The following USP46 variants were observed in gnomAD, a reference collection of about 807,000 sequenced individuals.
USP46 encodes the protein ubiquitin carboxyl-terminal hydrolase 46.
Under a neutral mutation model 44.4 loss-of-function variants are expected in USP46, and 12 were observed. The ratio of observed to expected loss-of-function variants is 0.27; its 90% CI spans 0.17 to 0.44. The LOEUF (loss-of-function observed/expected upper bound fraction) is 0.44. Ranked by LOEUF, USP46 falls within the 20% of genes least tolerant of loss-of-function variation. USP46 has a pLI of 1.00. For missense variants in USP46, 248 were observed against 444.8 expected, an observed-to-expected ratio of 0.56 and a Z score of 3.98; for synonymous variants, 155 against 161.5, an observed-to-expected ratio of 0.96 and a Z score of 0.31.
chr4:52,633,001 AG>A lies in USP46; in HGVS notation c.37-1858del, dbSNP rs1440995536. The stretch of plus-strand genomic sequence containing the variant: ...GAAAGAAAGAAAAGAAAAGAAAGAA[AG>A]AAAGAAAGAAAGAAAGAAAGAAAGA... On this transcript the variant is annotated intron_variant, in intron 1 of 8. Transcript: ENST00000441222. 4.9e-3 allele frequency among the ~76,000 whole-genome samples: 608 copies of A among 122,878 alleles called. 19 individuals carry two copies. Among genetic ancestry groups the A allele is most frequent in the African/African-American group, 0.02 (564 of 28,130 alleles). The allele number at this position is 122,878 out of a possible 152,430, so 80.6% of individuals were successfully genotyped here. A position where few individuals can be genotyped will look rare whatever the true frequency, so the allele number is the denominator to read the frequency against.
chr4:52,612,354 G>T (rs1264459934), intron 4 of USP46, among the ~76,000 whole-genome samples: 1 of 152,096 alleles, frequency 6.6e-6, no homozygotes, highest in African/African-American at 2.4e-5. Flanking sequence ...TACCATGGTA[G>T]AATGCATTAG....
chr4:52,598,804 A>C, intron 7 of USP46, 98 bp from the exon 8 acceptor site: 1 of 1,157,418 alleles, frequency 8.6e-7, no homozygotes, highest in South Asian at 1.4e-5. Flanking sequence ...CTGGGAAAAA[A>C]AACTATGTCA....
rs533179350 is a variant in USP46 at position 52,653,221 on chromosome 4, C to T, written c.36+5894G>A. On this transcript the variant is annotated intron_variant, in intron 1 of 8. Coordinates refer to ENST00000441222, the MANE Select transcript of USP46 (RefSeq NM_022832.4). ...ACAGAGTTCGTCTCAAGAATGTTTT[C>T]GTGGCAGGGCACAGTGGTTCACACC... is the stretch of plus-strand genomic sequence containing the variant. Among the ~76,000 whole-genome samples the T allele has an allele frequency of 7.2e-5, 11 of 152,156 alleles. No homozygotes were observed. The South Asian group carries it at 1.7e-3, about 23-fold the overall frequency.
Position 52,596,906 on chromosome 4 carries a change from T to A in USP46, c.*734A>T, listed in dbSNP as rs1445916177. On this transcript the variant is annotated 3_prime_UTR_variant, in exon 9 of 9. Coordinates refer to ENST00000441222, the MANE Select transcript of USP46 (RefSeq NM_022832.4). ...GAGTTATTTTCCTGAAACTTGGTTT[T>A]GGTAGAAAGGTACGAAAATAACTTT... The A allele has an allele frequency of 6.6e-6, 1 of 152,654 alleles. No homozygotes were observed. Among genetic ancestry groups the A allele is most frequent in the East Asian group, 1.9e-4 (1 of 5,198 alleles). 9.5% of individuals were successfully genotyped at this position (152,654 alleles called of 1,614,324 possible).
chr4:52,657,088 T>C (rs560903155), intron 1 of USP46, among the ~76,000 whole-genome samples: 1 of 149,020 alleles, frequency 6.7e-6, no homozygotes, highest in Non-Finnish European at 1.5e-5. Context: ...ACCCAGGAAG[T>C]CTGACATTAG....
At chr4:52,618,775 T>C (rs151197909) in intron 4 of USP46, among the ~76,000 whole-genome samples, 17 of 152,254 alleles carry the variant, frequency 1.1e-4, no homozygotes, top group African/African-American at 3.8e-4. Context: ...GAATCTCCAC[T>C]GAGTATCACA....
chr4:52,630,790 A>T (rs1717794637), intron 2 of USP46, among the ~76,000 whole-genome samples: 1 of 152,024 alleles, frequency 6.6e-6, no homozygotes, highest in Non-Finnish European at 1.5e-5. Flanking sequence ...GACTAATGAA[A>T]TTATTATGAA....
intron 3 of USP46, among the ~76,000 whole-genome samples, chr4:52,627,659 G>A (rs553615968): frequency 1.3e-5 from 2 of 152,312 alleles, no homozygotes; most frequent in South Asian, 2.1e-4. Flanking sequence ...TCCGAAGGCT[G>A]CCTTGGACAC....
chr4:52,596,180 A>C lies in USP46; in HGVS notation c.*1460T>G, dbSNP rs1477541339. The C allele has an allele frequency of 6.6e-6, 1 of 152,656 alleles. No individual in the cohort carries two copies. Among genetic ancestry groups the C allele is most frequent in the Non-Finnish European group, 1.5e-5 (1 of 68,040 alleles). The allele number at this position is 152,656 out of a possible 1,614,324, so 9.5% of individuals were successfully genotyped here. A position where few individuals can be genotyped will look rare whatever the true frequency, so the allele number is the denominator to read the frequency against. On this transcript the variant is annotated 3_prime_UTR_variant, in exon 9 of 9. Transcript: ENST00000441222. Reference sequence around the variant, plus strand: ...TCCTCTTCATTGTTGCAAAATGGCCACTAACATTTTCCATTTCAATTTTAG... The same window carrying C: ...TCCTCTTCATTGTTGCAAAATGGCCCCTAACATTTTCCATTTCAATTTTAG...
intron 4 of USP46, among the ~76,000 whole-genome samples, chr4:52,617,076 C>G (rs7662693): frequency 0.15 from 22,421 of 152,056 alleles, 1,760 homozygotes; most frequent in African/African-American, 0.22. Flanking sequence ...AAAATAATTC[C>G]CAGCATTTAA....
chr4:52,645,128 G>C (rs139185599), intron 1 of USP46, among the ~76,000 whole-genome samples: 2 of 151,872 alleles, frequency 1.3e-5, no homozygotes, highest in African/African-American at 4.8e-5. Flanking sequence ...GGGAGGCTGA[G>C]GCAGGAGAAT....
At chr4:52,611,203 T>C (rs1196628502) in intron 4 of USP46, among the ~76,000 whole-genome samples, 2 of 152,214 alleles carry the variant, frequency 1.3e-5, no homozygotes, top group Non-Finnish European at 2.9e-5. Flanking sequence ...GTGCTGTCCA[T>C]GACAATGACC....
rs1717582984 is a variant in USP46 at position 52,626,317 on chromosome 4, T to C, written c.332-70A>G. Reference sequence around the variant, plus strand: ...GCAAATGGATGTAATTAGTGTTACATGCCATACTTAAATATTTTTTTTTTG... The same window carrying C: ...GCAAATGGATGTAATTAGTGTTACACGCCATACTTAAATATTTTTTTTTTG... On this transcript the variant is annotated intron_variant, in intron 3 of 8. Transcript: ENST00000441222. 5 of 1,328,606 alleles carry C rather than the reference T, an allele frequency of 3.8e-6. No individual in the cohort carries two copies. The South Asian group carries it at 4.2e-5, about 11-fold the overall frequency. 82.3% of individuals were successfully genotyped at this position (1,328,606 alleles called of 1,614,324 possible).
At chr4:52,645,830 G>A (rs571895423) in intron 1 of USP46, among the ~76,000 whole-genome samples, 37 of 152,150 alleles carry the variant, frequency 2.4e-4, no homozygotes, top group South Asian at 6.2e-4. Flanking sequence ...TCATTGGGGC[G>A]GTCTTTCCCC....
At position 52,605,612 on chromosome 4, in the gene USP46, C is replaced by A. The variant is rs536190430; in HGVS notation, c.639-1028G>T. ...TCATTAAGTCCCCAAATGTTTCCTGCCAGTCCTCTGGGCTAGGTTCTGGGG... is the reference window on the plus strand; with the variant it reads ...TCATTAAGTCCCCAAATGTTTCCTGACAGTCCTCTGGGCTAGGTTCTGGGG... On this transcript the variant is annotated intron_variant, in intron 5 of 8. Transcript: ENST00000441222. Among the ~76,000 whole-genome samples, 6 of 152,284 alleles carry A rather than the reference C, an allele frequency of 3.9e-5. No individual in the cohort carries two copies. The East Asian group carries it at 1.2e-3, about 29-fold the overall frequency.
chr4:52,604,448 G>A (rs1198782947), intron 6 of USP46, 53 bp downstream of exon 6: 1 of 1,485,026 alleles, frequency 6.7e-7, no homozygotes, highest in African/African-American at 1.4e-5. Flanking sequence ...GGGCCCCACA[G>A]TCGGGATCCT....
chr4:52,618,045 TA>T lies in USP46; in HGVS notation c.562-7429del, dbSNP rs1717230964. 2.6e-5 allele frequency among the ~76,000 whole-genome samples: 4 copies of T among 152,368 alleles called. No individual in the cohort carries two copies. The South Asian group carries it at 8.3e-4, about 32-fold the overall frequency. The stretch of plus-strand genomic sequence containing the variant: ...AGTAAAATAGATTACAGAAAGGGTA[TA>T]CCTTATAAATCATGAGCTTTGCTAA... On this transcript the variant is annotated intron_variant, in intron 4 of 8. Transcript: ENST00000441222.
At chr4:52,618,930 A>T (rs1717272853) in intron 4 of USP46, among the ~76,000 whole-genome samples, 1 of 152,268 alleles carries the variant, frequency 6.6e-6, no homozygotes, top group Admixed American at 6.5e-5. Context: ...TTTTGGCTCC[A>T]GTAACAGATA....
intron 5 of USP46, among the ~76,000 whole-genome samples, chr4:52,610,161 T>C (rs1716885844): frequency 6.6e-6 from 1 of 151,592 alleles, no homozygotes; most frequent in Non-Finnish European, 1.5e-5. Flanking sequence ...CCTGACCTCG[T>C]GATCCGCCCG....
Sources: gnomAD v4.1 joint callset for allele counts (sites outside exome capture counted in the v4.1 genomes callset) on GRCh38, gnomAD v4.1.1 for gene constraint, MANE v1.5 for transcripts, NCBI Gene and HGNC (gene_info 2026-07-23, HGNC 2026-07-21) for gene names.